GRAMD4: variants seen among roughly 807,000 people sequenced by gnomAD.
GRAMD4 encodes GRAM domain containing 4.
GRAMD4 carries 25 observed loss-of-function variants against 83.9 expected under a neutral mutation model. That is an observed-to-expected ratio of 0.30 (90% CI 0.22 to 0.42). The LOEUF (loss-of-function observed/expected upper bound fraction) is 0.42. Ranked by LOEUF, GRAMD4 falls within the 10% of genes least tolerant of loss-of-function variation. The pLI, the probability that GRAMD4 is intolerant of heterozygous loss-of-function variation, is 1.00. For missense variants in GRAMD4, 593 were observed against 788.7 expected, an observed-to-expected ratio of 0.75 and a Z score of 2.97; for synonymous variants, 336 against 320.9, an observed-to-expected ratio of 1.05 and a Z score of -0.50.
At chr22:46,673,032 TGGGGGG>T in intron 14 of GRAMD4, 35 bp downstream of exon 14, 2 of 1,517,446 alleles carry the variant, frequency 1.3e-6, no homozygotes, top group Non-Finnish European at 1.8e-6. Context: ...GATGGGGGGA[TGGGGGG>T]CCACGAAGCC....
At position 46,593,435 on chromosome 22, in the gene GRAMD4, G is replaced by A. The variant is rs573000107; in HGVS notation, c.-50+16145G>A. 7.8e-4 allele frequency among the ~76,000 whole-genome samples: 119 copies of A among 152,268 alleles called. No homozygotes were observed. The Middle Eastern group carries it at 0.031, about 39-fold the overall frequency. On this transcript the variant is annotated intron_variant, in intron 1 of 1. Transcript: ENST00000431155. ...TCTCTGACTGCCTCTTCTCCGCTGG[G>A]CCTGCCGCACAGGGAGGGCAGGTGG...
Position 46,637,969 on chromosome 22 carries a change from C to T in GRAMD4, c.283+9C>T, listed in dbSNP as rs971833835. 6 of 1,612,820 alleles carry T rather than the reference C, an allele frequency of 3.7e-6. No individual in the cohort carries two copies. The highest frequency in any genetic ancestry group is 5.1e-6 in the Non-Finnish European group (6 of 1,179,270). On this transcript the variant is annotated intron_variant, in intron 3 of 18. Transcript: ENST00000406902. ...GGAAAAACATTTCTTACGTGAGTAC[C>T]AGAAAGCGCTTGGAGGGGATGGGAC...
rs114376630 is a variant in GRAMD4, at chr22:46,589,941, C to T, written c.-50+12651C>T. Among the ~76,000 whole-genome samples the T allele has an allele frequency of 5.0e-3, 768 of 152,328 alleles. 8 individuals carry two copies. Among genetic ancestry groups the T allele is most frequent in the African/African-American group, 0.018 (741 of 41,578 alleles). ...TTCTCCCTACCCCTTCAGCCAGCTC[C>T]CCTCGTGGCCCTCCCTGCTGCCTGG... On this transcript the variant is annotated intron_variant, in intron 1 of 1. Coordinates refer to the GRAMD4 transcript ENST00000431155.
At chr22:46,673,929 C>T (rs1393825465) in intron 15 of GRAMD4, 115 bp downstream of exon 15, 6 of 1,137,206 alleles carry the variant, frequency 5.3e-6, no homozygotes, top group African/African-American at 1.5e-5. Flanking sequence ...GAGGAGCCCT[C>T]AGGATGGCAT....
Position 46,676,584 on chromosome 22 carries a change from A to G in GRAMD4, c.1564-16A>G, listed in dbSNP as rs1473770134. On this transcript the variant is annotated splice_polypyrimidine_tract_variant and intron_variant, in intron 17 of 18. Transcript: ENST00000406902. The stretch of plus-strand genomic sequence containing the variant: ...CCAGGAGAGACCTGTGGTGACGGCC[A>G]CGCTTTGCCTTTCAGTACAAGGTCC... 3 of 1,548,834 alleles carry G rather than the reference A, an allele frequency of 1.9e-6. No individual in the cohort carries two copies. Among genetic ancestry groups the G allele is most frequent in the Non-Finnish European group, 2.6e-6 (3 of 1,146,552 alleles).
At chr22:46,591,070 G>GAAAAAGA (rs71192423) in intron 1 of GRAMD4, among the ~76,000 whole-genome samples, 57,292 of 149,842 alleles carry the variant, frequency 0.38, 13,004 homozygotes, top group African/African-American at 0.63. Context: ...AAAAGAAAAA[G>GAAAAAGA]AAAAAAAAAC....
chr22:46,615,798 G>A (rs868228963), upstream of GRAMD4, among the ~76,000 whole-genome samples: 1 of 60,072 alleles, frequency 1.7e-5, no homozygotes, highest in African/African-American at 7.5e-5. Flanking sequence ...AGGTTCCCCC[G>A]TGTGTAGGTT....
intron 3 of GRAMD4, among the ~76,000 whole-genome samples, chr22:46,643,269 G>A (rs56714773): frequency 3.3e-4 from 26 of 78,330 alleles, no homozygotes; most frequent in East Asian, 7.8e-4. Context: ...CCGTCCATCC[G>A]TCCATCCATC....
At position 46,658,315 on chromosome 22, in the gene GRAMD4, G is replaced by A. The variant is rs377393150; in HGVS notation, c.404+8G>A. 8.6e-5 allele frequency: 138 copies of A among 1,600,058 alleles called. 1 individual carries two copies. In the African/African-American group the frequency reaches 1.4e-3, roughly 16 times the overall value. On this transcript the variant is annotated splice_region_variant and intron_variant, in intron 4 of 18. Transcript: ENST00000406902. ...GGAGGTGCTGAAGGCCAGGTACCGC[G>A]CCTTCCTCGGGGCCCTGGCCTGTGT...
At chr22:46,675,585 G>T in intron 17 of GRAMD4, 33 bp downstream of exon 17, 1 of 1,375,272 alleles carries the variant, frequency 7.3e-7, no homozygotes, top group Non-Finnish European at 1.0e-6. Flanking sequence ...ACTAACCCCC[G>T]TGTTTTCTTC....
At chr22:46,681,115 A>G (rs1474400458), downstream of GRAMD4, among the ~76,000 whole-genome samples, 1 of 151,468 alleles carries the variant, frequency 6.6e-6, no homozygotes, top group Non-Finnish European at 1.5e-5. Flanking sequence ...GCTTGCTCCT[A>G]ACTTGGAACA....
In GRAMD4 at chr22:46,678,944, C is replaced by A; in HGVS notation, c.*1693C>A. The A allele has an allele frequency of 1.0e-6, 1 of 985,788 alleles. No homozygotes were observed. The highest frequency in any genetic ancestry group is 1.2e-6 in the Non-Finnish European group (1 of 829,994). 61.1% of individuals were successfully genotyped at this position (985,788 alleles called of 1,614,324 possible). ...CGTTGGCGTCAGGATGACCACACGG[C>A]GGCCTTTCCCGAATGGGGACAGAAC... is the stretch of plus-strand genomic sequence containing the variant. On this transcript the variant is annotated 3_prime_UTR_variant, in exon 19 of 19. Transcript: ENST00000406902.
chr22:46,620,340 G>A (rs1294266833), upstream of GRAMD4: 7 of 985,360 alleles, frequency 7.1e-6, no homozygotes, highest in South Asian at 9.4e-5. The surrounding 1 kb of genome is among the most constrained non-coding windows in gnomAD (Gnocchi z 4.7). Flanking sequence ...GGGGGATCCT[G>A]GGAGAACCTG....
At chr22:46,666,789 G>A (rs777251341) in intron 9 of GRAMD4, 36 bp from the exon 10 acceptor site, 12 of 1,584,798 alleles carry the variant, frequency 7.6e-6, no homozygotes, top group East Asian at 6.7e-5. Context: ...CTCAGGTGGC[G>A]CTGTCCTAAA....
intron 10 of GRAMD4, 64 bp downstream of exon 10, chr22:46,666,937 G>A: frequency 1.7e-6 from 2 of 1,200,448 alleles, no homozygotes; most frequent in Non-Finnish European, 2.3e-6. Flanking sequence ...CTCACAGCCT[G>A]TAGGCACCGC....
At chr22:46,591,687 G>A (rs898694917) in intron 1 of GRAMD4, among the ~76,000 whole-genome samples, 3 of 152,006 alleles carry the variant, frequency 2.0e-5, no homozygotes, top group Non-Finnish European at 2.9e-5. Flanking sequence ...ATAAAAATTA[G>A]CCGGGTGTGG....
At chr22:46,667,355 C>T (rs1283517148) in intron 10 of GRAMD4, among the ~76,000 whole-genome samples, 1 of 152,216 alleles carries the variant, frequency 6.6e-6, no homozygotes, top group African/African-American at 2.4e-5. Context: ...AACAGAACAA[C>T]GACAACAAAA....
At chr22:46,662,873 C>G (rs1455836070) in intron 5 of GRAMD4, among the ~76,000 whole-genome samples, 167 bp from the exon 6 acceptor site, 1 of 152,182 alleles carries the variant, frequency 6.6e-6, no homozygotes, top group Non-Finnish European at 1.5e-5. Context: ...TTCAAAGTCC[C>G]TTGTACAGGG....
chr22:46,677,052 G>A, intron 18 of GRAMD4, 95 bp from the exon 19 acceptor site: 1 of 1,442,962 alleles, frequency 6.9e-7, no homozygotes, highest in Non-Finnish European at 9.6e-7. Flanking sequence ...TGACTAGCGT[G>A]CTGGCCTGGG....
Sources: gnomAD v4.1 joint callset for allele counts (sites outside exome capture counted in the v4.1 genomes callset) on GRCh38, gnomAD v4.1.1 for gene constraint, Gnocchi (gnomAD v3.1) non-coding constraint, MANE v1.5 for transcripts, NCBI Gene and HGNC (gene_info 2026-07-23, HGNC 2026-07-21) for gene names.